Variants in TENM4 observed in about 807,000 individuals in gnomAD.
TENM4 encodes teneurin-4.
TENM4 carries 82 observed loss-of-function variants against 243.3 expected under a neutral mutation model. The ratio of observed to expected loss-of-function variants is 0.34; its 90% CI spans 0.28 to 0.40. The LOEUF is 0.40. Among genes scored for constraint, TENM4 ranks in the 10% least tolerant of loss-of-function variants. The pLI is 1.00. For missense variants in TENM4, 3,138 were observed against 3,673.3 expected, an observed-to-expected ratio of 0.85 and a Z score of 3.77; for synonymous variants, 1,412 against 1,456.3, an observed-to-expected ratio of 0.97 and a Z score of 0.69.
At chr11:78,957,966 C>CA (rs568549071) in intron 6 of TENM4, among the ~76,000 whole-genome samples, 48 of 151,274 alleles carry the variant, frequency 3.2e-4, no homozygotes, top group Non-Finnish European at 5.2e-4. Flanking sequence ...TGAAACAAAA[C>CA]AAAAAAAACA....
Position 78,756,873 on chromosome 11 carries a change from G to A in TENM4, c.2688C>T (p.Asp896=), listed in dbSNP as rs1354578705. 16 of 1,613,846 alleles carry A rather than the reference G, an allele frequency of 9.9e-6. No individual in the cohort carries two copies. Among genetic ancestry groups the A allele is most frequent in the African/African-American group, 1.3e-5 (1 of 74,912 alleles). ...VSQQNLHSFY[D]RIKFLVGRDS... ...CCCTGCCCACGAGGAACTTGATGCG[G>A]TCATAGAAGGAGTGTAGGTTCTGCT... Residue 896 remains aspartate, a synonymous_variant, in exon 19 of 34, where the codon GAC becomes GAT. Transcript: ENST00000278550.
At chr11:79,198,473 C>G (rs1373670547) in intron 3 of TENM4, among the ~76,000 whole-genome samples, 1 of 152,188 alleles carries the variant, frequency 6.6e-6, no homozygotes. Flanking sequence ...CTGATTCCTC[C>G]TTCCCCCTCC....
At chr11:78,829,693 T>C (rs1346549731) in intron 12 of TENM4, among the ~76,000 whole-genome samples, 1 of 152,200 alleles carries the variant, frequency 6.6e-6, no homozygotes, top group Non-Finnish European at 1.5e-5. Context: ...TGTCTCAGTT[T>C]CCTTGTCTGG....
At chr11:79,327,328 AC>A (rs1856990763) in intron 1 of TENM4, among the ~76,000 whole-genome samples, 1 of 152,236 alleles carries the variant, frequency 6.6e-6, no homozygotes, top group East Asian at 1.9e-4. Context: ...AGGAAGGTCT[AC>A]AAGTCAATTA....
chr11:79,131,228 C>T lies in TENM4; in HGVS notation c.-66+17482G>A, dbSNP rs539374685. Among the ~76,000 whole-genome samples, 11 of 152,216 alleles carry T rather than the reference C, an allele frequency of 7.2e-5. No homozygotes were observed. In the East Asian group the frequency reaches 7.7e-4, roughly 11 times the overall value. Reference sequence around the variant, plus strand: ...AAAGATTGCCTCGGCACATTGTCATCGGGTTATCCAAAGTTAAGACGAAGG... The same window carrying T: ...AAAGATTGCCTCGGCACATTGTCATTGGGTTATCCAAAGTTAAGACGAAGG... On this transcript the variant is annotated intron_variant, in intron 4 of 33. Coordinates refer to ENST00000278550, the MANE Select transcript of TENM4 (RefSeq NM_001098816.3).
rs1250192345 is a variant in TENM4, at chr11:79,440,158, C to T, written c.-321+351G>A. On this transcript the variant is annotated intron_variant, in intron 1 of 33. Coordinates refer to ENST00000278550, the MANE Select transcript of TENM4 (RefSeq NM_001098816.3). The surrounding 1 kb of genome is among the most constrained non-coding windows in gnomAD (Gnocchi z 4.7). ...GGGGCTGCAGGCGACCGGGCCGGGG[C>T]GGGGAACGGGATCCGGGAGAGGCAG... 6.6e-6 allele frequency among the ~76,000 whole-genome samples: 1 copy of T among 152,060 alleles called. No individual in the cohort carries two copies. Among genetic ancestry groups the T allele is most frequent in the Non-Finnish European group, 1.5e-5 (1 of 67,974 alleles).
chr11:79,089,663 C>T (rs1396514807), intron 4 of TENM4, among the ~76,000 whole-genome samples: 1 of 152,058 alleles, frequency 6.6e-6, no homozygotes, highest in Non-Finnish European at 1.5e-5. Context: ...TAATGTTTGG[C>T]CCACAGACTA....
At chr11:78,872,891 T>C (rs1859171705) in intron 9 of TENM4, among the ~76,000 whole-genome samples, 1 of 152,196 alleles carries the variant, frequency 6.6e-6, no homozygotes, top group African/African-American at 2.4e-5. Flanking sequence ...AATGGAGTTT[T>C]AATTTGTGTA....
chr11:78,841,093 A>G (rs115869680), intron 12 of TENM4, among the ~76,000 whole-genome samples: 3 of 152,306 alleles, frequency 2.0e-5, no homozygotes, highest in African/African-American at 7.2e-5. Flanking sequence ...AGCACCTATT[A>G]CATGCCAGGC....
intron 12 of TENM4, among the ~76,000 whole-genome samples, chr11:78,815,499 A>G (rs1269105430): frequency 1.3e-5 from 2 of 152,012 alleles, no homozygotes; most frequent in African/African-American, 4.8e-5. Context: ...TCCTCCTAAT[A>G]CGTTTGTTAC....
At chr11:78,967,514 TTAAACA>T (rs1173194363) in intron 6 of TENM4, among the ~76,000 whole-genome samples, 1 of 152,176 alleles carries the variant, frequency 6.6e-6, no homozygotes, top group Non-Finnish European at 1.5e-5. Flanking sequence ...GATCTGCTCT[TTAAACA>T]TAAGGCTCCT....
intron 2 of TENM4, among the ~76,000 whole-genome samples, chr11:79,288,656 T>G (rs1304620974): frequency 6.6e-6 from 1 of 152,236 alleles, no homozygotes; most frequent in Admixed American, 6.5e-5. Context: ...CTCCGTCTCT[T>G]GCAAGACGTT....
At chr11:78,763,942 T>C (rs144111138) in intron 18 of TENM4, among the ~76,000 whole-genome samples, 14 of 82,072 alleles carry the variant, frequency 1.7e-4, no homozygotes, top group African/African-American at 4.9e-4. Flanking sequence ...AAGTGAACAA[T>C]TGCAGTCCTG....
intron 27 of TENM4, 94 bp downstream of exon 27, chr11:78,708,267 T>G: frequency 6.5e-7 from 1 of 1,533,698 alleles, no homozygotes; most frequent in Non-Finnish European, 8.9e-7. Context: ...TAAAGGCTTA[T>G]CAGTGCAAAG....
intron 15 of TENM4, among the ~76,000 whole-genome samples, chr11:78,802,869 A>T (rs1857308914): frequency 6.6e-6 from 1 of 152,168 alleles, no homozygotes; most frequent in Non-Finnish European, 1.5e-5. Flanking sequence ...TAGGATAGAG[A>T]TTTAAAAATT....
chr11:79,249,811 G>C (rs554527183), intron 2 of TENM4, among the ~76,000 whole-genome samples: 4 of 152,196 alleles, frequency 2.6e-5, no homozygotes, highest in Admixed American at 1.3e-4. Flanking sequence ...ATCTCAGGAA[G>C]TTTTGAAGAT....
intron 18 of TENM4, among the ~76,000 whole-genome samples, chr11:78,762,838 T>A (rs570651160): frequency 5.4e-4 from 82 of 152,270 alleles, no homozygotes; most frequent in Admixed American, 3.8e-3. Context: ...CCCAATTTAA[T>A]TTTCTTAGGC....
intron 1 of TENM4, among the ~76,000 whole-genome samples, chr11:79,433,916 G>A (rs1271940001): frequency 6.6e-6 from 1 of 152,176 alleles, no homozygotes; most frequent in Non-Finnish European, 1.5e-5. Context: ...CTCCCTCTGT[G>A]GTGACCACAC....
intron 4 of TENM4, among the ~76,000 whole-genome samples, chr11:79,113,465 T>A (rs1861551908): frequency 6.7e-6 from 1 of 149,092 alleles, no homozygotes; most frequent in African/African-American, 2.5e-5. Flanking sequence ...TGCTTCAGAT[T>A]TCACAAAATC....
Sources: allele counts gnomAD v4.1 joint callset (sites outside exome capture counted in the v4.1 genomes callset), GRCh38; gene constraint gnomAD v4.1.1; non-coding constraint Gnocchi (gnomAD v3.1); transcripts MANE v1.5; gene names NCBI Gene and HGNC (gene_info 2026-07-23, HGNC 2026-07-21).